CACNA1B: variants seen among roughly 807,000 people sequenced by gnomAD.
The protein encoded by CACNA1B is voltage-dependent N-type calcium channel subunit alpha-1B.
CACNA1B carries 70 observed loss-of-function variants against 247.2 expected under a neutral mutation model. The ratio of observed to expected loss-of-function variants is 0.28; its 90% confidence interval spans 0.23 to 0.35. CACNA1B has a LOEUF of 0.35. Among genes scored for constraint, CACNA1B ranks in the 10% least tolerant of loss-of-function variants. CACNA1B has a pLI of 1.00. For synonymous variants in CACNA1B, 1,231 were observed against 1,294.4 expected, an observed-to-expected ratio of 0.95 and a Z score of 1.05; for missense variants, 2,367 against 3,197.4, an observed-to-expected ratio of 0.74 and a Z score of 6.26.
intron 6 of CACNA1B, among the ~76,000 whole-genome samples, chr9:137,947,571 A>T (rs1302135268): frequency 7.2e-5 from 11 of 151,902 alleles, no homozygotes; most frequent in African/African-American, 2.7e-4. Context: ...TTCAATTTTT[A>T]CTCATTTCCT....
intron 37 of CACNA1B, among the ~76,000 whole-genome samples, chr9:138,096,999 G>A (rs1252840492): frequency 6.6e-6 from 1 of 151,652 alleles, no homozygotes; most frequent in Non-Finnish European, 1.5e-5. Context: ...GTGGGAGGGT[G>A]TGTGGAGACA....
chr9:138,012,714 TAA>T lies in CACNA1B; in HGVS notation c.2161-402_2161-401del, dbSNP rs1234995951. 1.4e-4 allele frequency among the ~76,000 whole-genome samples: 18 copies of T among 132,508 alleles called. No homozygotes were observed. The highest frequency in any genetic ancestry group is 8.4e-5 in the African/African-American group (3 of 35,918). 86.9% of individuals were successfully genotyped at this position (132,508 alleles called of 152,430 possible). On this transcript the variant is annotated intron_variant, in intron 17 of 46. Coordinates refer to ENST00000371372, the MANE Select transcript of CACNA1B (RefSeq NM_000718.4). This position sits in a 1 kb window ranked among gnomAD's most constrained non-coding sequence, Gnocchi z 4.2. ...GGGTGACAGAGCGAGACCCTGTCTC[TAA>T]AAAAAAAAAAAACAAATAACAAAAA...
chr9:137,892,232 T>A lies in CACNA1B; in HGVS notation c.530+9349T>A, dbSNP rs75312994. 6.2e-3 allele frequency: 2,812 copies of A among 456,774 alleles called. 27 individuals carry two copies. Among genetic ancestry groups the A allele is most frequent in the Middle Eastern group, 0.021 (65 of 3,076 alleles). 28.3% of individuals were successfully genotyped at this position (456,774 alleles called of 1,614,324 possible). On this transcript the variant is annotated intron_variant, in intron 3 of 46. Transcript: ENST00000371372. ...CAGCCGGGCGCTGCAACAGCAGACA[T>A]TTCCTTCTCAGTCCTGGAGGCTGGA... is the stretch of plus-strand genomic sequence containing the variant.
chr9:138,117,240 G>A (rs551373453), intron 42 of CACNA1B, among the ~76,000 whole-genome samples: 2 of 151,756 alleles, frequency 1.3e-5, no homozygotes, highest in Admixed American at 1.3e-4. Flanking sequence ...CCAGAAGGCT[G>A]CACCCCAGCA....
intron 6 of CACNA1B, among the ~76,000 whole-genome samples, chr9:137,949,058 AG>A (rs1289796439): frequency 4.3e-5 from 2 of 46,388 alleles, no homozygotes; most frequent in African/African-American, 1.7e-4. Context: ...GTGGGTGTGA[AG>A]TATGTGTGTA....
intron 39 of CACNA1B, among the ~76,000 whole-genome samples, chr9:138,107,936 G>C (rs1191134265): frequency 6.6e-6 from 1 of 150,434 alleles, no homozygotes; most frequent in East Asian, 2.0e-4. Context: ...AGTGAGCCGA[G>C]ATTGCGCCAC....
At position 137,888,621 on chromosome 9, in the gene CACNA1B, T is replaced by A. The variant is rs1957051722; in HGVS notation, c.530+5738T>A. On this transcript the variant is annotated intron_variant, in intron 3 of 46. Coordinates refer to ENST00000371372, the MANE Select transcript of CACNA1B (RefSeq NM_000718.4). The surrounding 1 kb of genome is among the most constrained non-coding windows in gnomAD (Gnocchi z 4.7). Reference sequence around the variant, plus strand: ...TAAACTGGGATTTCTTTCCAGGACATGTAATTAGAGCCCAGCTTTCTCCCT... The same window carrying A: ...TAAACTGGGATTTCTTTCCAGGACAAGTAATTAGAGCCCAGCTTTCTCCCT... Among the ~76,000 whole-genome samples the A allele has an allele frequency of 6.6e-6, 1 of 152,100 alleles. No homozygotes were observed. The highest frequency in any genetic ancestry group is 1.5e-5 in the Non-Finnish European group (1 of 67,990).
At chr9:138,119,346 G>A (rs1222302397) in intron 44 of CACNA1B, among the ~76,000 whole-genome samples, 2 of 152,122 alleles carry the variant, frequency 1.3e-5, no homozygotes, top group African/African-American at 4.8e-5. Context: ...AGGACACTGG[G>A]AGGATCGCCC....
chr9:138,035,095 A>G lies in CACNA1B; in HGVS notation c.3287-8679A>G, dbSNP rs1003708470. On this transcript the variant is annotated intron_variant, in intron 20 of 46. Transcript: ENST00000371372. The stretch of plus-strand genomic sequence containing the variant: ...TCTGGAATTTTCCACCTGCATCACA[A>G]TGCCTGTGTCATTCACCTCAGTTCG... Among the ~76,000 whole-genome samples, 39 of 152,184 alleles carry G rather than the reference A, an allele frequency of 2.6e-4. 1 individual carries two copies. Among genetic ancestry groups the G allele is most frequent in the Non-Finnish European group, 5.9e-5 (4 of 68,032 alleles).
At chr9:138,034,439 T>G (rs910057144) in intron 20 of CACNA1B, among the ~76,000 whole-genome samples, 2 of 150,244 alleles carry the variant, frequency 1.3e-5, no homozygotes, top group African/African-American at 4.9e-5. Flanking sequence ...TAAGTGGAAG[T>G]AGGGTCATAG....
At chr9:138,081,412 C>T (rs946785070) in intron 36 of CACNA1B, among the ~76,000 whole-genome samples, 1 of 152,204 alleles carries the variant, frequency 6.6e-6, no homozygotes, top group African/African-American at 2.4e-5. Flanking sequence ...ACTTCCCTCA[C>T]AGATTGGACA....
At chr9:137,892,116 T>C in intron 3 of CACNA1B, 1 of 456,972 alleles carries the variant, frequency 2.2e-6, no homozygotes, top group South Asian at 1.5e-5. Context: ...GTTTCCCTGC[T>C]GGCTCACCAC....
chr9:138,053,091 C>G (rs779673643), intron 25 of CACNA1B, among the ~76,000 whole-genome samples: 1 of 152,212 alleles, frequency 6.6e-6, no homozygotes, highest in African/African-American at 2.4e-5. Context: ...CACACGTGTT[C>G]CTGTCCTGGA....
Position 137,986,660 on chromosome 9 carries a change from G to A in CACNA1B, c.1901+116G>A. On this transcript the variant is annotated intron_variant, in intron 14 of 46. Transcript: ENST00000371372. The surrounding 1 kb of genome is among the most constrained non-coding windows in gnomAD (Gnocchi z 6.0). ...CACCTTCCCACCAGGAAGGTCCTCA[G>A]AGGGGCCAGTGTGCAGCCATCTGCA... is the stretch of plus-strand genomic sequence containing the variant. 1 of 1,448,092 alleles carries A rather than the reference G, an allele frequency of 6.9e-7. No homozygotes were observed. Among genetic ancestry groups the A allele is most frequent in the Non-Finnish European group, 9.7e-7 (1 of 1,032,202 alleles). 89.7% of individuals were successfully genotyped at this position (1,448,092 alleles called of 1,614,324 possible). A position where few individuals can be genotyped will look rare whatever the true frequency, so the allele number is the denominator to read the frequency against.
Position 138,047,440 on chromosome 9 carries a change from C to T in CACNA1B, c.3585C>T (p.Thr1195=), listed in dbSNP as rs1235322334. ...YLDYIFTGVF[T]FEMVIKMIDL... ...ATTACATTTTCACTGGTGTCTTTACCTTTGAGATGGTGATAAAGGTGAGAT... is the reference window on the plus strand; with the variant it reads ...ATTACATTTTCACTGGTGTCTTTACTTTTGAGATGGTGATAAAGGTGAGAT... Residue 1195 remains threonine, a synonymous_variant, in exon 23 of 47, where the codon ACC becomes ACT. Coordinates refer to ENST00000371372, the MANE Select transcript of CACNA1B (RefSeq NM_000718.4). The T allele has an allele frequency of 1.2e-6, 2 of 1,611,742 alleles. No individual in the cohort carries two copies. Among genetic ancestry groups the T allele is most frequent in the Non-Finnish European group, 1.7e-6 (2 of 1,177,854 alleles).
At chr9:137,940,192 AAG>A (rs1469359377) in intron 6 of CACNA1B, among the ~76,000 whole-genome samples, 2 of 152,238 alleles carry the variant, frequency 1.3e-5, no homozygotes, top group East Asian at 1.9e-4. Flanking sequence ...CCAAGAAAAA[AAG>A]AGAGAAAATC....
chr9:137,935,324 A>G lies in CACNA1B; in HGVS notation c.967-16950A>G, dbSNP rs149333673. On this transcript the variant is annotated intron_variant, in intron 6 of 46. Coordinates refer to ENST00000371372, the MANE Select transcript of CACNA1B (RefSeq NM_000718.4). Reference sequence around the variant, plus strand: ...TGTGTCCAAGTGTTCTCATTGTTCAATTCCCACCTGTGAGTGAGAACATGC... The same window carrying G: ...TGTGTCCAAGTGTTCTCATTGTTCAGTTCCCACCTGTGAGTGAGAACATGC... Among the ~76,000 whole-genome samples the G allele has an allele frequency of 4.5e-3, 683 of 152,184 alleles. 5 individuals carry two copies. The highest frequency in any genetic ancestry group is 0.015 in the African/African-American group (639 of 41,520).
At chr9:137,924,307 T>C (rs761438868) in intron 6 of CACNA1B, among the ~76,000 whole-genome samples, 2 of 151,574 alleles carry the variant, frequency 1.3e-5, no homozygotes, top group Non-Finnish European at 2.9e-5. Context: ...CTGCCTTCCT[T>C]CCTTCCTTCT....
rs191055731 is a variant in CACNA1B, at chr9:138,088,300, C to T, written c.5095-8184C>T. On this transcript the variant is annotated intron_variant, in intron 36 of 46. Coordinates refer to ENST00000371372, the MANE Select transcript of CACNA1B (RefSeq NM_000718.4). ...AGGAGAATTGCTTGAACCCAGGAGG[C>T]GGAAGTTGCAGTGAGCCGAGATTAT... Among the ~76,000 whole-genome samples the T allele has an allele frequency of 5.3e-4, 80 of 151,522 alleles. 1 individual carries two copies. Among genetic ancestry groups the T allele is most frequent in the Admixed American group, 1.7e-3 (26 of 15,202 alleles).
Sources: allele counts gnomAD v4.1 joint callset (sites outside exome capture counted in the v4.1 genomes callset), GRCh38; gene constraint gnomAD v4.1.1; non-coding constraint Gnocchi (gnomAD v3.1); transcripts MANE v1.5; gene names NCBI Gene and HGNC (gene_info 2026-07-23, HGNC 2026-07-21).